The following PCBP3 variants were observed in gnomAD, a reference collection of about 807,000 sequenced individuals.
The protein encoded by PCBP3 is poly(rC) binding protein 3, also known as poly(rC)-binding protein 3.
In PCBP3, 25 loss-of-function variants were observed where a neutral mutation model predicts 52.7. The ratio of observed to expected loss-of-function variants is 0.47; its 90% CI spans 0.35 to 0.66. PCBP3 has a LOEUF of 0.66. PCBP3 is among the 30% of genes least tolerant of loss of function. The probability of loss-of-function intolerance (pLI) is 0.01; values close to 1 mark genes in which losing one functional copy is unlikely to be tolerated. For synonymous variants in PCBP3, 162 were observed against 183.0 expected, an observed-to-expected ratio of 0.89 and a Z score of 0.93; for missense variants, 391 against 490.3, an observed-to-expected ratio of 0.80 and a Z score of 1.91.
rs1243954946 is a variant in PCBP3 at position 45,904,140 on chromosome 21, T to G, written c.339+3027T>G. Among the ~76,000 whole-genome samples the G allele has an allele frequency of 6.6e-6, 1 of 152,124 alleles. No individual in the cohort carries two copies. Among genetic ancestry groups the G allele is most frequent in the African/African-American group, 2.4e-5 (1 of 41,422 alleles). On this transcript the variant is annotated intron_variant, in intron 9 of 17. Transcript: ENST00000681687. The surrounding 1 kb of genome is among the most constrained non-coding windows in gnomAD (Gnocchi z 4.8). ...GTAACCTACGCTATTACGTAGGTTATGTAGGGCTGTGCTGAGTCCTCTACA... is the reference window on the plus strand; with the variant it reads ...GTAACCTACGCTATTACGTAGGTTAGGTAGGGCTGTGCTGAGTCCTCTACA...
chr21:45,771,172 T>C (rs1240370963), intron 4 of PCBP3, among the ~76,000 whole-genome samples: 2 of 152,278 alleles, frequency 1.3e-5, no homozygotes, highest in Non-Finnish European at 2.9e-5. Context: ...CAGCTGCTCT[T>C]GTTGCCTTGA....
At chr21:45,775,026 G>T (rs1017657080) in intron 4 of PCBP3, among the ~76,000 whole-genome samples, 1 of 152,162 alleles carries the variant, frequency 6.6e-6, no homozygotes, top group Admixed American at 6.5e-5. Context: ...TGCCCTTGTA[G>T]AATGAATTAG....
At chr21:45,816,497 TCCCCC>T (rs1245516788) in intron 4 of PCBP3, among the ~76,000 whole-genome samples, 5 of 9,158 alleles carry the variant, frequency 5.5e-4, no homozygotes, top group African/African-American at 1.9e-3. Context: ...CTCCTCCCCT[TCCCCC>T]TCCCCTCCCC....
At chr21:45,782,417 C>T (rs992103439) in intron 4 of PCBP3, among the ~76,000 whole-genome samples, 2 of 151,076 alleles carry the variant, frequency 1.3e-5, no homozygotes, top group African/African-American at 4.9e-5. Context: ...ATTTACTAGA[C>T]ATGCCTAACA....
chr21:45,867,979 C>T (rs1569374416), intron 5 of PCBP3, among the ~76,000 whole-genome samples: 1 of 152,272 alleles, frequency 6.6e-6, no homozygotes, highest in South Asian at 2.1e-4. Flanking sequence ...AAAAAAGGCG[C>T]AAGCCAGATG....
chr21:45,705,603 T>G (rs1411533225), intron 2 of PCBP3, among the ~76,000 whole-genome samples: 2 of 152,118 alleles, frequency 1.3e-5, no homozygotes, highest in African/African-American at 4.8e-5. Context: ...AAAGTGCCTG[T>G]CAGTGTGGAC....
At position 45,837,570 on chromosome 21, in the gene PCBP3, G is replaced by A. The variant is rs538897460; in HGVS notation, c.-125-12391G>A. On this transcript the variant is annotated intron_variant, in intron 4 of 17. Coordinates refer to ENST00000681687, the MANE Select transcript of PCBP3 (RefSeq NM_001384156.1). The surrounding 1 kb of genome is among the most constrained non-coding windows in gnomAD (Gnocchi z 4.1). ...GTAGCCCTGGGTTGTCTGCCTCTTGGGGGTAGCGGCTGTGTGGAATGCCTG... is the reference window on the plus strand; with the variant it reads ...GTAGCCCTGGGTTGTCTGCCTCTTGAGGGTAGCGGCTGTGTGGAATGCCTG... Among the ~76,000 whole-genome samples, 17 of 152,198 alleles carry A rather than the reference G, an allele frequency of 1.1e-4. No individual in the cohort carries two copies. The highest frequency in any genetic ancestry group is 3.9e-4 in the African/African-American group (16 of 41,450).
Position 45,880,281 on chromosome 21 carries a change from C to T in PCBP3, c.11-15927C>T, listed in dbSNP as rs533707271. Reference sequence around the variant, plus strand: ...GCTCTACCCTGCTGGCCCTGGGCCTCGGAGGGGAGGGGAGCGCCTGGGGCG... The same window carrying T: ...GCTCTACCCTGCTGGCCCTGGGCCTTGGAGGGGAGGGGAGCGCCTGGGGCG... On this transcript the variant is annotated intron_variant, in intron 5 of 17. Coordinates refer to ENST00000681687, the MANE Select transcript of PCBP3 (RefSeq NM_001384156.1). This position sits in a 1 kb window ranked among gnomAD's most constrained non-coding sequence, Gnocchi z 5.4. Among the ~76,000 whole-genome samples the T allele has an allele frequency of 7.0e-4, 107 of 152,294 alleles. No homozygotes were observed. Among genetic ancestry groups the T allele is most frequent in the African/African-American group, 2.4e-3 (101 of 41,562 alleles).
Position 45,855,317 on chromosome 21 carries a change from C to A in PCBP3, c.10+5222C>A, listed in dbSNP as rs868261586. Among the ~76,000 whole-genome samples, 5 of 152,240 alleles carry A rather than the reference C, an allele frequency of 3.3e-5. No individual in the cohort carries two copies. The Middle Eastern group carries it at 0.01, about 311-fold the overall frequency. ...CCAGCACAGACGCAGGCTCCGGAAGCCCACGGAGAGGGCTGGGCATTCTCC... is the reference window on the plus strand; with the variant it reads ...CCAGCACAGACGCAGGCTCCGGAAGACCACGGAGAGGGCTGGGCATTCTCC... On this transcript the variant is annotated intron_variant, in intron 5 of 17. Transcript: ENST00000681687.
chr21:45,825,461 C>T (rs779308264), intron 4 of PCBP3, among the ~76,000 whole-genome samples: 2 of 152,042 alleles, frequency 1.3e-5, no homozygotes, highest in African/African-American at 2.4e-5. Flanking sequence ...TCCTGCCTGC[C>T]GCCCAGCACC....
At chr21:45,804,749 G>T (rs550314398) in intron 4 of PCBP3, among the ~76,000 whole-genome samples, 1 of 152,218 alleles carries the variant, frequency 6.6e-6, no homozygotes, top group African/African-American at 2.4e-5. Flanking sequence ...GCCACATGAA[G>T]ATAGTTTCTG....
chr21:45,674,384 G>T (rs527927491), intron 2 of PCBP3, among the ~76,000 whole-genome samples: 114 of 152,290 alleles, frequency 7.5e-4, no homozygotes, highest in African/African-American at 2.7e-3. Flanking sequence ...ATGTCTGGGG[G>T]TTTGTGCAGA....
chr21:45,917,619 C>G lies in PCBP3; in HGVS notation c.707C>G (p.Pro236Arg). 2 of 1,613,086 alleles carry G rather than the reference C, an allele frequency of 1.2e-6. No homozygotes were observed. The highest frequency in any genetic ancestry group is 1.7e-6 in the Non-Finnish European group (2 of 1,179,140). ...ACAATCCAGGGACAGTATGCCATCCCTCACCCGGATGTGAGTCTTCACTTT... is the reference window on the plus strand; with the variant it reads ...ACAATCCAGGGACAGTATGCCATCCGTCACCCGGATGTGAGTCTTCACTTT... ...AYTIQGQYAI[P>R]HPDQLTKLHQ... The change falls in exon 13 of 18, where the codon CCT becomes CGT. Residue 236 changes from proline (P) to arginine (R), a missense_variant. Coordinates refer to ENST00000681687, the MANE Select transcript of PCBP3 (RefSeq NM_001384156.1). This position sits in a 1 kb window ranked among gnomAD's most constrained non-coding sequence, Gnocchi z 5.3.
Position 45,812,066 on chromosome 21 carries a change from A to T in PCBP3, c.-125-37895A>T, listed in dbSNP as rs192676654. ...TACAATTTTATCATTGTTCACTCAA[A>T]CTTATATTACACCTTTTCACATTTA... On this transcript the variant is annotated intron_variant, in intron 4 of 17. Coordinates refer to ENST00000681687, the MANE Select transcript of PCBP3 (RefSeq NM_001384156.1). Among the ~76,000 whole-genome samples the T allele has an allele frequency of 7.2e-5, 11 of 152,240 alleles. No homozygotes were observed. The East Asian group carries it at 1.9e-3, about 27-fold the overall frequency.
intron 1 of PCBP3, among the ~76,000 whole-genome samples, chr21:45,664,364 T>C (rs1474339027): frequency 6.7e-6 from 1 of 149,380 alleles, no homozygotes; most frequent in Non-Finnish European, 1.5e-5. Flanking sequence ...AAAAATATCC[T>C]TCAAAACTGA....
chr21:45,667,823 G>T (rs201502536), intron 1 of PCBP3, among the ~76,000 whole-genome samples: 35 of 151,668 alleles, frequency 2.3e-4, no homozygotes, highest in East Asian at 1.9e-3. Flanking sequence ...CATTTTTTTT[G>T]TTGTTGTTGT....
intron 9 of PCBP3, among the ~76,000 whole-genome samples, chr21:45,908,245 AG>A (rs2096255068): frequency 6.6e-6 from 1 of 152,100 alleles, no homozygotes; most frequent in Non-Finnish European, 1.5e-5. Flanking sequence ...GAGGGGATTG[AG>A]ACATGGCCCC....
At chr21:45,874,449 C>T (rs1268680805) in intron 5 of PCBP3, among the ~76,000 whole-genome samples, 1 of 151,896 alleles carries the variant, frequency 6.6e-6, no homozygotes, top group East Asian at 1.9e-4. Context: ...TTGGGTCTAT[C>T]CCAACTCTTT....
At position 45,938,097 on chromosome 21, in the gene PCBP3, C is replaced by T. The variant is rs556572305; in HGVS notation, c.910-1933C>T. On this transcript the variant is annotated intron_variant, in intron 16 of 17. Coordinates refer to ENST00000681687, the MANE Select transcript of PCBP3 (RefSeq NM_001384156.1). ...GATGCGTGCCAGAGCACAGCTGGAG[C>T]GAGGCAGTTAGAAGACAGGGGCAGA... 1.2e-4 allele frequency among the ~76,000 whole-genome samples: 19 copies of T among 152,200 alleles called. No homozygotes were observed. In the South Asian group the frequency reaches 1.5e-3, roughly 12 times the overall value.
Sources: allele counts gnomAD v4.1 joint callset (sites outside exome capture counted in the v4.1 genomes callset), GRCh38; gene constraint gnomAD v4.1.1; non-coding constraint Gnocchi (gnomAD v3.1); transcripts MANE v1.5; gene names NCBI Gene and HGNC (gene_info 2026-07-23, HGNC 2026-07-21).